The following TMEM165 variants were observed in gnomAD, a reference collection of about 807,000 sequenced individuals.
The protein encoded by TMEM165 is transmembrane protein 165.
TMEM165 carries 19 observed loss-of-function variants against 30.0 expected under a neutral mutation model. The observed-to-expected ratio is 0.63, with a 90% CI of 0.44 to 0.93. TMEM165 has a LOEUF of 0.93. Among genes scored for constraint, TMEM165 ranks in the 40% least tolerant of loss-of-function variants. The probability of loss-of-function intolerance (pLI) is 0.00; values close to 1 mark genes in which losing one functional copy is unlikely to be tolerated. For missense variants in TMEM165, 340 were observed against 417.0 expected (o/e 0.82, Z 1.61); for synonymous variants, 168 against 162.9 (o/e 1.03, Z -0.24).
At chr4:55,403,576 T>TTA (rs1553885399) in intron 1 of TMEM165, among the ~76,000 whole-genome samples, 6 of 148,668 alleles carry the variant, frequency 4.0e-5, no homozygotes, top group African/African-American at 7.4e-5. Flanking sequence ...CAAGTTTTTT[T>TTA]AAAAAAATCT....
chr4:55,405,940 T>C (rs985771391), intron 1 of TMEM165, among the ~76,000 whole-genome samples: 2 of 152,250 alleles, frequency 1.3e-5, no homozygotes, highest in African/African-American at 4.8e-5. Flanking sequence ...TACTTCTTGT[T>C]CTCAGAACAT....
downstream of TMEM165, chr4:55,430,976 C>T (rs763393632): frequency 4.6e-5 from 7 of 152,212 alleles, no homozygotes; most frequent in Admixed American, 2.0e-4. Context: ...CTACGGTTCA[C>T]TGGACCTAAA....
chr4:55,441,429 A>T (rs1723359443), intron 3 of TMEM165, among the ~76,000 whole-genome samples: 1 of 152,228 alleles, frequency 6.6e-6, no homozygotes, highest in Non-Finnish European at 1.5e-5. Flanking sequence ...ACACCTGCAT[A>T]CATATGGCTA....
chr4:55,432,576 G>T (rs1282792767), intron 3 of TMEM165: 1 of 125,844 alleles, frequency 7.9e-6, no homozygotes, highest in Non-Finnish European at 1.6e-5. Context: ...TAGAAATGAA[G>T]AACAGACACT....
chr4:55,427,339 TAATAC>T (rs2109572996), downstream of TMEM165, among the ~76,000 whole-genome samples: 1 of 141,438 alleles, frequency 7.1e-6, no homozygotes, highest in Admixed American at 7.0e-5. Context: ...CTTGGCCTAC[TAATAC>T]GTTTTGTTTG....
At chr4:55,437,538 G>A (rs529860796) in intron 3 of TMEM165, among the ~76,000 whole-genome samples, 3 of 152,234 alleles carry the variant, frequency 2.0e-5, no homozygotes, top group Non-Finnish European at 4.4e-5. Context: ...CTATATTTTG[G>A]CTAATCCAAG....
chr4:55,433,144 A>G (rs968656185), intron 3 of TMEM165: 2 of 152,642 alleles, frequency 1.3e-5, no homozygotes, highest in Admixed American at 1.3e-4. Flanking sequence ...GAAAGGGGAG[A>G]AGAACAATGC....
chr4:55,444,796 A>G (rs1246940017), intron 3 of TMEM165: 1 of 1,613,198 alleles, frequency 6.2e-7, no homozygotes, highest in African/African-American at 1.3e-5. Context: ...CTGAAGTACC[A>G]TGTACGGAAA....
intron 1 of TMEM165, among the ~76,000 whole-genome samples, chr4:55,407,386 A>T (rs1721312947): frequency 6.6e-6 from 1 of 152,248 alleles, no homozygotes. Context: ...GTGTGCGGTG[A>T]GTAAATACCT....
At chr4:55,400,294 AT>A in intron 1 of TMEM165, among the ~76,000 whole-genome samples, 1 of 99,964 alleles carries the variant, frequency 1.0e-5, no homozygotes, top group Non-Finnish European at 1.8e-5. Flanking sequence ...TATATTATAT[AT>A]AATATTATAT....
At chr4:55,444,998 A>G (rs1222352583) in intron 3 of TMEM165, among the ~76,000 whole-genome samples, 1 of 152,188 alleles carries the variant, frequency 6.6e-6, no homozygotes, top group Non-Finnish European at 1.5e-5. Context: ...CAGCAGGCAC[A>G]AAGTTATCCA....
At chr4:55,417,290 C>A in intron 3 of TMEM165, 43 bp downstream of exon 3, 1 of 1,581,944 alleles carries the variant, frequency 6.3e-7, no homozygotes, top group East Asian at 2.2e-5. Flanking sequence ...AGGCACTCAA[C>A]TAGGAATAAA....
At chr4:55,405,863 A>G (rs1721249510) in intron 1 of TMEM165, among the ~76,000 whole-genome samples, 1 of 152,212 alleles carries the variant, frequency 6.6e-6, no homozygotes, top group Non-Finnish European at 1.5e-5. Context: ...GAGCTTGTCC[A>G]CAAACATAAA....
At chr4:55,431,717 A>AAAGCAGAAATACTTTT (rs1282830816) in intron 3 of TMEM165, 5 of 152,242 alleles carry the variant, frequency 3.3e-5, no homozygotes, top group African/African-American at 7.2e-5. Context: ...CAGAAAGAAA[A>AAAGCAGAAATACTTTT]AAGCAGAAAT....
At chr4:55,413,471 C>T (rs1649457612) in intron 2 of TMEM165, among the ~76,000 whole-genome samples, 1 of 152,130 alleles carries the variant, frequency 6.6e-6, no homozygotes, top group South Asian at 2.1e-4. Context: ...CATGCCATCA[C>T]GCCTGGATAC....
chr4:55,442,254 A>G, intron 3 of TMEM165: 1 of 623,750 alleles, frequency 1.6e-6, no homozygotes, highest in Admixed American at 2.9e-5. Flanking sequence ...TTACCCTTTA[A>G]TTATGAAGTC....
chr4:55,402,795 C>CTTTTTTGTTTTTTTTT, intron 1 of TMEM165, among the ~76,000 whole-genome samples: 1 of 71,400 alleles, frequency 1.4e-5, no homozygotes, highest in Non-Finnish European at 2.4e-5. Flanking sequence ...TTAAAAAAAG[C>CTTTTTTGTTTTTTTTT]TTTTTTTTTT....
At chr4:55,426,841 A>G (rs1722224195), downstream of TMEM165, among the ~76,000 whole-genome samples, 1 of 152,010 alleles carries the variant, frequency 6.6e-6, no homozygotes, top group South Asian at 2.1e-4. Flanking sequence ...TCTTAAGAGG[A>G]GTTTTCAGCT....
At chr4:55,412,232 G>T in intron 2 of TMEM165, 1 of 255,756 alleles carries the variant, frequency 3.9e-6, no homozygotes, top group Non-Finnish European at 7.6e-6. Flanking sequence ...CATCTCTACT[G>T]AAAATACAAA....
Sources: gnomAD v4.1 joint callset for allele counts (sites outside exome capture counted in the v4.1 genomes callset) on GRCh38, gnomAD v4.1.1 for gene constraint, MANE v1.5 for transcripts, NCBI Gene and HGNC (gene_info 2026-07-23, HGNC 2026-07-21) for gene names.